The following NEB variants were observed in gnomAD, a reference collection of about 807,000 sequenced individuals.
NEB encodes nebulin.
In NEB, 512 loss-of-function variants were observed where a neutral mutation model predicts 952.2. The observed-to-expected ratio is 0.54, with a 90% confidence interval of 0.50 to 0.58. The LOEUF (loss-of-function observed/expected upper bound fraction) is 0.58. NEB is among the 20% of genes least tolerant of loss of function. The pLI, the probability that NEB is intolerant of heterozygous loss-of-function variation, is 0.00. For missense variants in NEB, 8,428 were observed against 9,231.1 expected (o/e 0.91, Z 3.56); for synonymous variants, 2,900 against 3,149.8 (o/e 0.92, Z 2.66).
chr2:151,687,726 T>C lies in NEB; in HGVS notation c.2423A>G (p.Tyr808Cys). The change falls in exon 26 of 182, where the codon TAT becomes TGT. Residue 808 changes from tyrosine to cysteine, a missense_variant. This residue lies in a region of NEB where 2,851 missense variants were observed against 2,791.5 expected (regional missense o/e 1.02). Coordinates refer to ENST00000397345, the MANE Select transcript of NEB (RefSeq NM_001164508.2). ...VNAYNLSDNV[Y>C]KQDWEKSKAK... is the part of the protein sequence containing the mutation. ...TTTGCTCTTCTCCCAGTCTTGCTTA[T>C]AAACATTCTGGACAAGAAAAATTCA... 1 of 1,581,492 alleles carries C rather than the reference T, an allele frequency of 6.3e-7. No homozygotes were observed. The highest frequency in any genetic ancestry group is 8.6e-7 in the Non-Finnish European group (1 of 1,162,626).
In NEB at chr2:151,630,803, G is replaced by A. The variant is rs1415913049; in HGVS notation, c.9635C>T (p.Ala3212Val). The A allele has an allele frequency of 1.9e-6, 3 of 1,609,140 alleles. No individual in the cohort carries two copies. The African/African-American group carries it at 4.0e-5, about 21-fold the overall frequency. ...LNMNKRLYTE[A>V]WDKDKTQIHI... Reference sequence around the variant, plus strand: ...AATTTGAGTCTTGTCTTTGTCCCAGGCCTCTGTGTATAAACGCTATAAAAG... The same window carrying A: ...AATTTGAGTCTTGTCTTTGTCCCAGACCTCTGTGTATAAACGCTATAAAAG... Residue 3212 changes from alanine to valine, a missense_variant, in exon 67 of 182, where the codon GCC becomes GTC. By Grantham distance (64) the Ala-to-Val change is moderately conservative. Coordinates refer to ENST00000397345, the MANE Select transcript of NEB (RefSeq NM_001164508.2).
At chr2:151,620,329 ATATATATGTATGTGTGTG>A in intron 72 of NEB, among the ~76,000 whole-genome samples, 1 of 124,526 alleles carries the variant, frequency 8.0e-6, no homozygotes, top group Non-Finnish European at 1.6e-5. Flanking sequence ...ATTTTATTAT[ATATATATGTATGTGTGTG>A]TATATATATA....
At position 151,643,854 on chromosome 2, in the gene NEB, G is replaced by A; in HGVS notation, c.7920C>T (p.Val2640=). 1 of 1,613,960 alleles carries A rather than the reference G, an allele frequency of 6.2e-7. No homozygotes were observed. The highest frequency in any genetic ancestry group is 1.1e-5 in the South Asian group (1 of 91,080). The part of the protein sequence containing the change: ...QWTCLPDQSD[V]IHARQAYDLQ... ...GGTCATAGGCCTGCCGAGCATGGAT[G>A]ACATCGCTCTGGTCGGGCAGGCATG... Residue 2640 remains valine, a synonymous_variant, in exon 57 of 182, where the codon GTC becomes GTT. Coordinates refer to ENST00000397345, the MANE Select transcript of NEB (RefSeq NM_001164508.2).
chr2:151,490,438 G>C lies in NEB; in HGVS notation c.25231C>G (p.His8411Asp), dbSNP rs1253470037. ...AGGTGGTGGTCTGGTGCTTCTGAAT[G>C]CTCAGACTTCTCCTCACCCCCACTG... is the stretch of plus-strand genomic sequence containing the variant. ...SISGGEEKSE[H>D]SEAPDHHLST... is the part of the protein sequence containing the mutation. The change falls in exon 180 of 182, where the codon CAT (histidine) becomes GAT (aspartate). Residue 8411 changes from histidine to aspartate, a missense_variant. Around this residue, in one of 11 missense-constraint regions of NEB, gnomAD observed 3,374 missense variants for 3,651.5 expected, o/e 0.92. Coordinates refer to ENST00000397345, the MANE Select transcript of NEB (RefSeq NM_001164508.2). 4.4e-6 allele frequency: 7 copies of C among 1,604,660 alleles called. No homozygotes were observed. Among genetic ancestry groups the C allele is most frequent in the Non-Finnish European group, 5.1e-6 (6 of 1,175,464 alleles).
Position 151,498,320 on chromosome 2 carries a change from A to G in NEB, c.24147T>C (p.Ile8049=). The change falls in exon 170 of 182, where the codon ATT becomes ATC. Residue 8049 remains isoleucine, a synonymous_variant. Transcript: ENST00000397345. Reference sequence around the variant, plus strand: ...GCATCTCAGGAGTGATGGGGATTGGAATTCCTGTCCCCAGGTTTTCTTTGT... The same window carrying G: ...GCATCTCAGGAGTGATGGGGATTGGGATTCCTGTCCCCAGGTTTTCTTTGT... ...VLYKENLGTG[I]PIPITPEMQR... The G allele has an allele frequency of 6.4e-7, 1 of 1,551,384 alleles. No homozygotes were observed. The highest frequency in any genetic ancestry group is 8.7e-7 in the Non-Finnish European group (1 of 1,146,782).
At position 151,684,882 on chromosome 2, in the gene NEB, T is replaced by C. The variant is rs749128793; in HGVS notation, c.2731A>G (p.Ile911Val). 1.4e-5 allele frequency: 23 copies of C among 1,613,190 alleles called. No homozygotes were observed. Among genetic ancestry groups the C allele is most frequent in the African/African-American group, 9.3e-5 (7 of 74,926 alleles). ...QVTQAKKSQAIASDVDYKHIL... is the reference protein window; with the variant it reads ...QVTQAKKSQAVASDVDYKHIL... ...TGCTTATAATCAACGTCGCTGGCAA[T>C]TGCCTGAGATTTCTTAGCTTGAGTG... The change falls in exon 28 of 182, where the codon ATT becomes GTT. Residue 911 changes from isoleucine to valine, a missense_variant. Ile to Val is a conservative substitution (Grantham distance 29). Coordinates refer to ENST00000397345, the MANE Select transcript of NEB (RefSeq NM_001164508.2).
intron 161 of NEB, 42 bp from the exon 162 acceptor site, chr2:151,508,151 G>T: frequency 7.2e-7 from 1 of 1,392,758 alleles, no homozygotes; most frequent in East Asian, 2.4e-5. Flanking sequence ...AAACACCACA[G>T]GGATATAGGC....
At chr2:151,610,893 G>A (rs1425873968) in intron 78 of NEB, 27 bp from the exon 79 acceptor site, 1 of 1,441,118 alleles carries the variant, frequency 6.9e-7, no homozygotes, top group Non-Finnish European at 9.5e-7. Context: ...CATGGGGCAT[G>A]GGGAGAGGGA....
intron 165 of NEB, among the ~76,000 whole-genome samples, chr2:151,503,927 C>T (rs2066786869): frequency 6.6e-6 from 1 of 152,112 alleles, no homozygotes; most frequent in East Asian, 1.9e-4. Context: ...GAGCCTAGTC[C>T]CTGGATGTGA....
rs777945797 is a variant in NEB, at chr2:151,529,239, C to G, written c.21706G>C (p.Ala7236Pro). 8 of 1,613,232 alleles carry G rather than the reference C, an allele frequency of 5.0e-6. No homozygotes were observed. The highest frequency in any genetic ancestry group is 6.8e-6 in the Non-Finnish European group (8 of 1,179,356). The change falls in exon 146 of 182, where the codon GCC (alanine) becomes CCC (proline). Residue 7236 changes from alanine (A) to proline (P), a missense_variant. By Grantham distance (27) the Ala-to-Pro change is conservative. This residue lies in a region of NEB where 3,374 missense variants were observed against 3,651.5 expected (regional missense o/e 0.92). Transcript: ENST00000397345. ...GTGTTGACTTTGTAGGCGTCCTTGG[C>G]TGCTTTGATATGAACAGCATCTGGC... ...IEPDAVHIKA[A>P]KDAYKVNTNL...
Position 151,540,728 on chromosome 2 carries a change from T to C in NEB, c.20756A>G (p.His6919Arg). 1 of 1,613,728 alleles carries C rather than the reference T, an allele frequency of 6.2e-7. No homozygotes were observed. Among genetic ancestry groups the C allele is most frequent in the Non-Finnish European group, 8.5e-7 (1 of 1,179,692 alleles). ...GACCATGTCCTTCACGTCTTTAGCA[T>C]GCTTCAAGGCTGTGGTCTGGTTTCC... is the stretch of plus-strand genomic sequence containing the variant. ...HAGNQTTALKHAKDVKDMVSE... is the reference protein window; with the variant it reads ...HAGNQTTALKRAKDVKDMVSE... Residue 6919 changes from histidine to arginine, a missense_variant, in exon 137 of 182, where the codon CAT becomes CGT. Physicochemically the swap from His to Arg is conservative, Grantham distance 29. Transcript: ENST00000397345.
In NEB at chr2:151,627,880, C is replaced by T. The variant is rs1252768844; in HGVS notation, c.9832-46G>A. The T allele has an allele frequency of 4.5e-6, 7 of 1,561,848 alleles. No individual in the cohort carries two copies. In the East Asian group the frequency reaches 1.6e-4, roughly 35 times the overall value. ...TCAAAAATAAAAATGAATAGAAAGG[C>T]TTAGAAGCCTCATTAATTTAAAACT... On this transcript the variant is annotated intron_variant, in intron 68 of 181. Coordinates refer to ENST00000397345, the MANE Select transcript of NEB (RefSeq NM_001164508.2).
intron 32 of NEB, 88 bp from the exon 33 acceptor site, chr2:151,678,275 T>A (rs185744543): frequency 1.3e-6 from 1 of 779,040 alleles, no homozygotes; most frequent in African/African-American, 1.7e-5. Context: ...TAATTGAGCT[T>A]CCCAAAAATT....
intron 109 of NEB, among the ~76,000 whole-genome samples, chr2:151,569,671 G>T (rs1219445308): frequency 6.6e-5 from 10 of 152,056 alleles, no homozygotes; most frequent in Admixed American, 6.5e-4. Flanking sequence ...TCCGACATTT[G>T]TACACAAAAA....
chr2:151,534,081 A>T (rs2092530789), intron 142 of NEB: 1 of 680,886 alleles, frequency 1.5e-6, no homozygotes, highest in Non-Finnish European at 2.5e-6. Context: ...GGGTGGCTAG[A>T]CAGATACTTT....
chr2:151,671,990 A>AC (rs1227563188), intron 37 of NEB, among the ~76,000 whole-genome samples: 1 of 151,686 alleles, frequency 6.6e-6, no homozygotes, highest in Non-Finnish European at 1.5e-5. Flanking sequence ...ATAAAGGAAA[A>AC]AAAAAAACAC....
At chr2:151,665,669 C>G in intron 41 of NEB, 130 bp from the exon 42 acceptor site, 1 of 701,020 alleles carries the variant, frequency 1.4e-6, no homozygotes, top group Non-Finnish European at 2.2e-6. Context: ...TTTTTACTCC[C>G]TACAGTCTTT....
chr2:151,498,112 T>G (rs555651487), intron 170 of NEB, 148 bp downstream of exon 170: 2 of 1,505,520 alleles, frequency 1.3e-6, no homozygotes, highest in East Asian at 4.9e-5. Flanking sequence ...TTAACTGTAT[T>G]ATAGAAATGG....
chr2:151,562,672 G>T lies in NEB; in HGVS notation c.18830C>A (p.Thr6277Lys). The change falls in exon 120 of 182, where the codon ACG (threonine) becomes AAG (lysine). Residue 6277 changes from threonine (T) to lysine (K), a missense_variant. By Grantham distance (78) the Thr-to-Lys change is moderately conservative. Coordinates refer to ENST00000397345, the MANE Select transcript of NEB (RefSeq NM_001164508.2). ...LEYRHYFHQW[T>K]SLLEEPNVIR... ...AACATTGGGTTCTTCCAGAAGAGAC[G>T]TCCACTGGTGGAAATAGTGTCGATA... The T allele has an allele frequency of 6.2e-7, 1 of 1,600,888 alleles. No individual in the cohort carries two copies. The highest frequency in any genetic ancestry group is 8.5e-7 in the Non-Finnish European group (1 of 1,170,256).
Sources: allele counts gnomAD v4.1 joint callset (sites outside exome capture counted in the v4.1 genomes callset), GRCh38; gene constraint gnomAD v4.1.1; regional missense constraint gnomAD v4.1.1; transcripts MANE v1.5; gene names NCBI Gene and HGNC (gene_info 2026-07-23, HGNC 2026-07-21).